RBFOX1: variants seen among roughly 807,000 people sequenced by gnomAD.
RBFOX1 encodes RNA binding fox-1 homolog 1, also known as RNA binding protein fox-1 homolog 1.
RBFOX1 carries 8 observed loss-of-function variants against 57.7 expected under a neutral mutation model. That is an observed-to-expected ratio of 0.14 (90% CI 0.08 to 0.25). The LOEUF (loss-of-function observed/expected upper bound fraction) is 0.25, where lower values mean the gene tolerates loss of function less well. Among genes scored for constraint, RBFOX1 ranks in the 10% least tolerant of loss-of-function variants. RBFOX1 has a pLI of 1.00. For synonymous variants in RBFOX1, 326 were observed against 222.4 expected, an observed-to-expected ratio of 1.47 and a Z score of -4.15; for missense variants, 611 against 548.5, an observed-to-expected ratio of 1.11 and a Z score of -1.14.
At chr16:5,633,683 G>C (rs1413702371) in intron 3 of RBFOX1, among the ~76,000 whole-genome samples, 2 of 152,062 alleles carry the variant, frequency 1.3e-5, no homozygotes, top group Non-Finnish European at 2.9e-5. Context: ...AGGTCAGCCT[G>C]GCCAACATCG....
chr16:7,439,300 C>T (rs1471230176), intron 4 of RBFOX1, among the ~76,000 whole-genome samples: 1 of 151,676 alleles, frequency 6.6e-6, no homozygotes, highest in Non-Finnish European at 1.5e-5. Context: ...TTTGAACCTT[C>T]ATGTCCCTCT....
chr16:6,527,111 TTTTA>T (rs944510517), intron 2 of RBFOX1, among the ~76,000 whole-genome samples: 1 of 152,152 alleles, frequency 6.6e-6, no homozygotes, highest in African/African-American at 2.4e-5. Flanking sequence ...TTTTAAATTA[TTTTA>T]TTTATTATTC....
chr16:6,641,807 G>C (rs2098492636), intron 2 of RBFOX1, among the ~76,000 whole-genome samples: 1 of 147,838 alleles, frequency 6.8e-6, no homozygotes, highest in African/African-American at 2.5e-5. Context: ...TTTCAGGCCT[G>C]GCCTTGTTGC....
At chr16:7,417,805 G>C (rs1188392289) in intron 4 of RBFOX1, among the ~76,000 whole-genome samples, 1 of 152,170 alleles carries the variant, frequency 6.6e-6, no homozygotes, top group African/African-American at 2.4e-5. Flanking sequence ...GCATGTGTGT[G>C]GTTGCAGAAT....
intron 1 of RBFOX1, among the ~76,000 whole-genome samples, chr16:6,305,653 T>TC (rs1184468608): frequency 6.6e-6 from 1 of 151,186 alleles, no homozygotes; most frequent in Non-Finnish European, 1.5e-5. Flanking sequence ...CTCTTAGCTT[T>TC]TTTTTTTTCC....
chr16:7,408,527 C>G (rs1386562155), intron 4 of RBFOX1, among the ~76,000 whole-genome samples: 8 of 152,180 alleles, frequency 5.3e-5, no homozygotes, highest in Non-Finnish European at 1.0e-4. Flanking sequence ...CTTTTCATCT[C>G]TCTAGACTGC....
chr16:6,687,993 A>G (rs1364289074), intron 3 of RBFOX1, among the ~76,000 whole-genome samples: 1 of 152,232 alleles, frequency 6.6e-6, no homozygotes, highest in Non-Finnish European at 1.5e-5. Flanking sequence ...TCTTGGAAAC[A>G]TCTTCTATGC....
At chr16:7,284,986 T>A (rs1178122579) in intron 4 of RBFOX1, among the ~76,000 whole-genome samples, 1 of 147,820 alleles carries the variant, frequency 6.8e-6, no homozygotes, top group Non-Finnish European at 1.5e-5. Context: ...GCCTCATCCC[T>A]CCGTTGCCCA....
chr16:5,392,362 T>G (rs1329025744), intron 1 of RBFOX1, among the ~76,000 whole-genome samples: 1 of 152,086 alleles, frequency 6.6e-6, no homozygotes, highest in Non-Finnish European at 1.5e-5. Context: ...CTTATTAACT[T>G]CATCATCTGC....
chr16:5,809,782 C>G (rs1444861906), intron 3 of RBFOX1, among the ~76,000 whole-genome samples: 2 of 152,134 alleles, frequency 1.3e-5, no homozygotes, highest in Admixed American at 6.5e-5. Flanking sequence ...CCTCAGGGAT[C>G]TAGAACTAGA....
chr16:7,709,536 C>G, intron 15 of RBFOX1: 1 of 1,533,266 alleles, frequency 6.5e-7, no homozygotes, highest in Non-Finnish European at 8.7e-7. Context: ...AGGAGCTAAG[C>G]TGCACACTTC....
At chr16:7,413,570 T>G (rs2098450590) in intron 4 of RBFOX1, among the ~76,000 whole-genome samples, 1 of 151,896 alleles carries the variant, frequency 6.6e-6, no homozygotes, top group African/African-American at 2.4e-5. Flanking sequence ...CCGCCATAGA[T>G]TCCACGCTTT....
intron 1 of RBFOX1, among the ~76,000 whole-genome samples, chr16:5,332,007 G>A (rs149265959): frequency 6.6e-6 from 1 of 152,338 alleles, no homozygotes; most frequent in East Asian, 1.9e-4. Context: ...GCCTCTGATT[G>A]TAAAATAAAG....
chr16:7,132,762 A>G (rs1241386127), intron 4 of RBFOX1, among the ~76,000 whole-genome samples: 1 of 152,206 alleles, frequency 6.6e-6, no homozygotes, highest in East Asian at 1.9e-4. Context: ...TTTCACTTAT[A>G]TAGCTATTTC....
At chr16:6,635,114 T>G (rs964639824) in intron 2 of RBFOX1, among the ~76,000 whole-genome samples, 1 of 146,464 alleles carries the variant, frequency 6.8e-6, no homozygotes, top group East Asian at 2.0e-4. Flanking sequence ...AAGTATTATA[T>G]GTAAGTATAC....
intron 2 of RBFOX1, among the ~76,000 whole-genome samples, chr16:6,394,300 A>G (rs767675123): frequency 1.2e-4 from 18 of 152,226 alleles, no homozygotes; most frequent in Non-Finnish European, 2.5e-4. Context: ...GAGATTAATT[A>G]GTTTCTGAAG....
chr16:7,449,315 C>G (rs1319484176), intron 4 of RBFOX1, among the ~76,000 whole-genome samples: 1 of 152,064 alleles, frequency 6.6e-6, no homozygotes, highest in Non-Finnish European at 1.5e-5. Flanking sequence ...AGGTGGACAT[C>G]TTTTTTGGCA....
intron 4 of RBFOX1, among the ~76,000 whole-genome samples, chr16:7,516,394 G>C (rs949441393): frequency 6.6e-6 from 1 of 152,122 alleles, no homozygotes; most frequent in African/African-American, 2.4e-5. Context: ...TAGCGACTGG[G>C]AGCTGGGTTC....
At chr16:7,464,496 G>C (rs2060134273) in intron 4 of RBFOX1, among the ~76,000 whole-genome samples, 1 of 151,868 alleles carries the variant, frequency 6.6e-6, no homozygotes, top group Non-Finnish European at 1.5e-5. Context: ...ATTTGGGGTT[G>C]CCAAGGCCTA....
Sources: allele counts gnomAD v4.1 joint callset (sites outside exome capture counted in the v4.1 genomes callset), GRCh38; gene constraint gnomAD v4.1.1; transcripts MANE v1.5; gene names NCBI Gene and HGNC (gene_info 2026-07-23, HGNC 2026-07-21).